The following ZNF827 variants were observed in gnomAD, a reference collection of about 807,000 sequenced individuals.
The protein encoded by ZNF827 is zinc finger protein 827.
Under a neutral mutation model 102.4 loss-of-function variants are expected in ZNF827, and 13 were observed. The ratio of observed to expected loss-of-function variants is 0.13; its 90% CI spans 0.08 to 0.20. The LOEUF is 0.20. Ranked by LOEUF, ZNF827 falls within the 10% of genes least tolerant of loss-of-function variation. The pLI, the probability that ZNF827 is intolerant of heterozygous loss-of-function variation, is 1.00. For synonymous variants in ZNF827, 523 were observed against 536.2 expected (o/e 0.98, Z 0.34); for missense variants, 1,103 against 1,344.4 (o/e 0.82, Z 2.81).
chr4:145,765,452 A>C lies in ZNF827; in HGVS notation c.3052+95T>G, dbSNP rs1735144307. 4 of 1,411,508 alleles carry C rather than the reference A, an allele frequency of 2.8e-6. No homozygotes were observed. Among genetic ancestry groups the C allele is most frequent in the Admixed American group, 2.4e-5 (1 of 41,150 alleles). The allele number at this position is 1,411,508 out of a possible 1,614,324, so 87.4% of individuals were successfully genotyped here. ...CATACTGCATCCTGGGCCTATTATC[A>C]GTTTTTGACATCGCTCCTGTGCAGG... On this transcript the variant is annotated intron_variant, in intron 12 of 14. Coordinates refer to ENST00000508784, the MANE Select transcript of ZNF827 (RefSeq NM_001306215.2). The surrounding 1 kb of genome is among the most constrained non-coding windows in gnomAD (Gnocchi z 4.7).
chr4:145,805,979 AT>A (rs1741391382), intron 8 of ZNF827, among the ~76,000 whole-genome samples: 5 of 150,512 alleles, frequency 3.3e-5, no homozygotes, highest in African/African-American at 9.8e-5. Context: ...TCCCTTGCTT[AT>A]TTTTTTTCAT....
chr4:145,889,613 G>A (rs993894773), intron 3 of ZNF827, among the ~76,000 whole-genome samples: 3 of 150,406 alleles, frequency 2.0e-5, no homozygotes, highest in Admixed American at 6.6e-5. Flanking sequence ...GAGTGCAGTG[G>A]TGCGATCTCG....
At chr4:145,836,391 T>G (rs554110332) in intron 7 of ZNF827, among the ~76,000 whole-genome samples, 1 of 152,320 alleles carries the variant, frequency 6.6e-6, no homozygotes, top group East Asian at 1.9e-4. Context: ...CGTGTCTGCG[T>G]GCAGTGGCTG....
intron 8 of ZNF827, among the ~76,000 whole-genome samples, chr4:145,819,609 G>A (rs1742949029): frequency 6.6e-6 from 1 of 152,168 alleles, no homozygotes; most frequent in African/African-American, 2.4e-5. Context: ...CACGTAGTCT[G>A]TAATTTCTAT....
At chr4:145,874,853 C>T (rs1477198862) in intron 4 of ZNF827, among the ~76,000 whole-genome samples, 2 of 152,160 alleles carry the variant, frequency 1.3e-5, no homozygotes, top group Admixed American at 6.5e-5. Flanking sequence ...GCTGTTTGTT[C>T]CCAGCATCGT....
At chr4:145,929,058 G>A (rs1753628421) in intron 1 of ZNF827, among the ~76,000 whole-genome samples, 1 of 152,178 alleles carries the variant, frequency 6.6e-6, no homozygotes. Context: ...CCAAAATGTT[G>A]TCTCAAGTTT....
chr4:145,935,438 A>G (rs779386304), intron 1 of ZNF827, among the ~76,000 whole-genome samples: 9 of 152,240 alleles, frequency 5.9e-5, no homozygotes, highest in Non-Finnish European at 1.0e-4. Flanking sequence ...CCATTTGCCC[A>G]GAAATTGCAA....
At chr4:145,823,619 G>T in intron 7 of ZNF827, 94 bp from the exon 8 acceptor site, 1 of 812,108 alleles carries the variant, frequency 1.2e-6, no homozygotes, top group Non-Finnish European at 2.1e-6. Flanking sequence ...CGCAATATTA[G>T]ATAAGGTGTT....
chr4:145,863,604 CATT>C (rs1747918941), intron 5 of ZNF827, among the ~76,000 whole-genome samples: 1 of 152,210 alleles, frequency 6.6e-6, no homozygotes, highest in South Asian at 2.1e-4. Flanking sequence ...ACCTTGAAAA[CATT>C]ATGCTAAGTG....
intron 7 of ZNF827, among the ~76,000 whole-genome samples, chr4:145,838,213 G>A (rs1028156512): frequency 1.3e-5 from 2 of 152,070 alleles, no homozygotes; most frequent in African/African-American, 4.8e-5. Flanking sequence ...GTAAATGGCT[G>A]GTCCTTGCCT....
At chr4:145,910,937 G>C (rs1248422727) in intron 1 of ZNF827, among the ~76,000 whole-genome samples, 1 of 152,186 alleles carries the variant, frequency 6.6e-6, no homozygotes, top group African/African-American at 2.4e-5. Context: ...CTTTATTTTG[G>C]TTGCTGCTGC....
intron 1 of ZNF827, among the ~76,000 whole-genome samples, chr4:145,908,748 CAG>C (rs1479499085): frequency 6.6e-6 from 1 of 152,196 alleles, no homozygotes; most frequent in African/African-American, 2.4e-5. Context: ...CAAAGGGAAA[CAG>C]AGACACAACA....
intron 8 of ZNF827, among the ~76,000 whole-genome samples, chr4:145,785,742 C>T (rs1360849198): frequency 6.6e-6 from 1 of 152,142 alleles, no homozygotes; most frequent in Admixed American, 6.5e-5. Context: ...AGAGACAGAC[C>T]CACGGTGTCA....
rs2126887119 is a variant in ZNF827 at position 145,902,354 on chromosome 4, A to C, written c.905T>G (p.Leu302Arg). 6.2e-7 allele frequency: 1 copy of C among 1,609,388 alleles called. No homozygotes were observed. Among genetic ancestry groups the C allele is most frequent in the East Asian group, 2.2e-5 (1 of 44,774 alleles). The change falls in exon 2 of 15, where the codon CTT (leucine) becomes CGT (arginine). Residue 302 changes from leucine (L) to arginine (R), a missense_variant. Leu to Arg is a moderately radical substitution (Grantham distance 102). Coordinates refer to ENST00000508784, the MANE Select transcript of ZNF827 (RefSeq NM_001306215.2). This position sits in a 1 kb window ranked among gnomAD's most constrained non-coding sequence, Gnocchi z 4.3. Reference protein sequence around the residue: ...KEVAARAAGSLLAEKSSLLPE... With the variant: ...KEVAARAAGSRLAEKSSLLPE... ...CAGCAGCGATGATTTCTCAGCCAGA[A>C]GACTGCCCGCAGCCCTTGCGGCCAC...
intron 6 of ZNF827, among the ~76,000 whole-genome samples, 171 bp from the exon 7 acceptor site, chr4:145,846,184 T>C (rs923275560): frequency 6.6e-6 from 1 of 152,198 alleles, no homozygotes; most frequent in Non-Finnish European, 1.5e-5. Context: ...AAGACAATCA[T>C]CCAAAGCATG....
intron 1 of ZNF827, among the ~76,000 whole-genome samples, chr4:145,938,122 A>AGG (rs1272065386): frequency 0.011 from 1,584 of 145,440 alleles, 9 homozygotes; most frequent in African/African-American, 0.02. Flanking sequence ...AAGGAAAAAA[A>AGG]GGGGGGGGGT....
intron 11 of ZNF827, chr4:145,771,132 G>A (rs1362508288): frequency 6.6e-6 from 1 of 152,164 alleles, no homozygotes; most frequent in East Asian, 1.9e-4. Flanking sequence ...TTTCTTAACA[G>A]TTTATAGGAA....
Position 145,837,420 on chromosome 4 carries a change from T to G in ZNF827, c.2279+8536A>C, listed in dbSNP as rs1744960245. 8.5e-5 allele frequency among the ~76,000 whole-genome samples: 13 copies of G among 152,250 alleles called. No individual in the cohort carries two copies. The South Asian group carries it at 2.7e-3, about 32-fold the overall frequency. On this transcript the variant is annotated intron_variant, in intron 7 of 14. Transcript: ENST00000508784. ...TAAGCTCCTGTATAGACGCTCCTTT[T>G]TATTAGGCCCCAGTCTCATTCCAGA...
chr4:145,902,465 A>G lies in ZNF827; in HGVS notation c.794T>C (p.Leu265Ser). ...TGGAGGGTGCTCCTGACCAGGAGTCAAACTTCTTTCACTGACCTTCTTGGA... is the reference window on the plus strand; with the variant it reads ...TGGAGGGTGCTCCTGACCAGGAGTCGAACTTCTTTCACTGACCTTCTTGGA... ...ALSKKVSERS[L>S]TPGQEHPPPA... The change falls in exon 2 of 15, where the codon TTG becomes TCG. Residue 265 changes from leucine (L) to serine (S), a missense_variant. Transcript: ENST00000508784. This position sits in a 1 kb window ranked among gnomAD's most constrained non-coding sequence, Gnocchi z 4.3. 1 of 1,614,182 alleles carries G rather than the reference A, an allele frequency of 6.2e-7. No homozygotes were observed. The highest frequency in any genetic ancestry group is 8.5e-7 in the Non-Finnish European group (1 of 1,180,042).
Sources: gnomAD v4.1 joint callset for allele counts (sites outside exome capture counted in the v4.1 genomes callset) on GRCh38, gnomAD v4.1.1 for gene constraint, Gnocchi (gnomAD v3.1) non-coding constraint, MANE v1.5 for transcripts, NCBI Gene and HGNC (gene_info 2026-07-23, HGNC 2026-07-21) for gene names.